Variants in COL19A1 observed in about 807,000 individuals in gnomAD.
COL19A1 encodes the protein collagen type XIX alpha 1 chain.
In COL19A1, 159 loss-of-function variants were observed where a neutral mutation model predicts 190.2. The observed-to-expected ratio is 0.84, with a 90% CI of 0.73 to 0.95. The LOEUF (loss-of-function observed/expected upper bound fraction) is 0.95. Ranked by LOEUF, COL19A1 falls within the 40% of genes least tolerant of loss-of-function variation. COL19A1 has a pLI of 0.00. For missense variants in COL19A1, 1,418 were observed against 1,431.9 expected, an observed-to-expected ratio of 0.99 and a Z score of 0.16; for synonymous variants, 509 against 458.9, an observed-to-expected ratio of 1.11 and a Z score of -1.39.
At chr6:70,058,647 A>AT (rs905640969) in intron 14 of COL19A1, among the ~76,000 whole-genome samples, 2 of 151,522 alleles carry the variant, frequency 1.3e-5, no homozygotes, top group Non-Finnish European at 2.9e-5. Context: ...CCTTAGGAAA[A>AT]TTTTTTTCTT....
intron 9 of COL19A1, among the ~76,000 whole-genome samples, chr6:69,938,631 A>G (rs1773265988): frequency 6.6e-6 from 1 of 152,156 alleles, no homozygotes; most frequent in Non-Finnish European, 1.5e-5. Flanking sequence ...GAGATCGTGG[A>G]AAATTACAAG....
At chr6:70,062,816 G>A (rs1223365623) in intron 14 of COL19A1, among the ~76,000 whole-genome samples, 1 of 151,924 alleles carries the variant, frequency 6.6e-6, no homozygotes, top group Non-Finnish European at 1.5e-5. Context: ...ACAAAAAAAG[G>A]CAGGGGTTGC....
chr6:69,879,462 G>A (rs1768355715), intron 1 of COL19A1, 74 bp from the exon 2 acceptor site: 1 of 801,266 alleles, frequency 1.2e-6, no homozygotes, highest in Admixed American at 2.3e-5. Flanking sequence ...TTTTGCTTTG[G>A]TAACATTTTC....
At chr6:69,995,171 C>G (rs1483182248) in intron 11 of COL19A1, among the ~76,000 whole-genome samples, 1 of 152,138 alleles carries the variant, frequency 6.6e-6, no homozygotes, top group Non-Finnish European at 1.5e-5. Context: ...TGCCACCTTG[C>G]CAACATGTTC....
In COL19A1 at chr6:70,142,096, G is replaced by A. The variant is rs1288618419; in HGVS notation, c.1572+20G>A. ...CTAAAGGTATATAAGAAATAACTAA[G>A]ATTTCTTGGGAAATAATTTGGGAAT... On this transcript the variant is annotated intron_variant, in intron 22 of 50. Coordinates refer to ENST00000620364, the MANE Select transcript of COL19A1 (RefSeq NM_001858.6). The A allele has an allele frequency of 1.3e-6, 2 of 1,599,434 alleles. No homozygotes were observed. The highest frequency in any genetic ancestry group is 1.7e-6 in the Non-Finnish European group (2 of 1,170,124).
intron 9 of COL19A1, among the ~76,000 whole-genome samples, chr6:69,952,367 A>G (rs1353822028): frequency 6.6e-6 from 1 of 151,884 alleles, no homozygotes; most frequent in Non-Finnish European, 1.5e-5. Flanking sequence ...CACTCTCCAG[A>G]TTAACCTTAA....
intron 18 of COL19A1, among the ~76,000 whole-genome samples, chr6:70,136,019 A>G (rs949674712): frequency 6.6e-6 from 1 of 152,206 alleles, no homozygotes; most frequent in Non-Finnish European, 1.5e-5. Flanking sequence ...CTTAAAGGTA[A>G]CTTGACATTT....
intron 4 of COL19A1, among the ~76,000 whole-genome samples, chr6:69,912,819 G>A (rs1478111971): frequency 6.6e-6 from 1 of 152,186 alleles, no homozygotes; most frequent in African/African-American, 2.4e-5. Flanking sequence ...CAGGCACGGT[G>A]GCTCACACCA....
At chr6:70,064,638 G>T (rs1209582129) in intron 14 of COL19A1, among the ~76,000 whole-genome samples, 2 of 152,092 alleles carry the variant, frequency 1.3e-5, no homozygotes, top group South Asian at 4.2e-4. Flanking sequence ...AGGAAATAAA[G>T]GGTATTCAAT....
At position 70,161,954 on chromosome 6, in the gene COL19A1, G is replaced by C. The variant is rs775521723; in HGVS notation, c.2346+1G>C. 3 of 1,596,652 alleles carry C rather than the reference G, an allele frequency of 1.9e-6. No individual in the cohort carries two copies. The highest frequency in any genetic ancestry group is 2.6e-6 in the Non-Finnish European group (3 of 1,172,700). On this transcript the variant is annotated splice_donor_variant, in intron 35 of 50. Coordinates refer to ENST00000620364, the MANE Select transcript of COL19A1 (RefSeq NM_001858.6). LOFTEE classifies it high-confidence loss of function. Reference sequence around the variant, plus strand: ...TGCTCCAGGCCCGACTGGACCCCCTGTAAGTATTTGTTAAAACGATTGCAC... The same window carrying C: ...TGCTCCAGGCCCGACTGGACCCCCTCTAAGTATTTGTTAAAACGATTGCAC...
At chr6:70,057,289 C>T (rs1411908850) in intron 14 of COL19A1, among the ~76,000 whole-genome samples, 2 of 152,080 alleles carry the variant, frequency 1.3e-5, no homozygotes, top group Non-Finnish European at 2.9e-5. Flanking sequence ...ATGGATTTGA[C>T]AGACCATGAC....
At chr6:70,177,488 A>T (rs1279850060) in intron 42 of COL19A1, among the ~76,000 whole-genome samples, 2 of 152,148 alleles carry the variant, frequency 1.3e-5, no homozygotes, top group Non-Finnish European at 2.9e-5. Flanking sequence ...ACAACACAAA[A>T]TAGAGCCCCA....
intron 4 of COL19A1, among the ~76,000 whole-genome samples, chr6:69,923,628 A>T (rs1772149201): frequency 6.6e-6 from 1 of 152,172 alleles, no homozygotes; most frequent in South Asian, 2.1e-4. Flanking sequence ...TAAAGAAAAA[A>T]CTGGGGAAGA....
intron 4 of COL19A1, among the ~76,000 whole-genome samples, chr6:69,921,491 T>TATATTCATATATATCATATATATTC (rs1554166295): frequency 1.2e-4 from 14 of 113,560 alleles, no homozygotes; most frequent in African/African-American, 5.3e-4. Context: ...TATATATTCA[T>TATATTCATATATATCATATATATTC]ATATATTCAT....
At chr6:69,948,358 A>G (rs138429698) in intron 9 of COL19A1, among the ~76,000 whole-genome samples, 79 of 152,008 alleles carry the variant, frequency 5.2e-4, no homozygotes, top group Admixed American at 9.2e-4. Context: ...AACAGAATTT[A>G]TCAAGGTTGG....
intron 14 of COL19A1, among the ~76,000 whole-genome samples, chr6:70,048,103 C>T (rs1250218421): frequency 1.3e-5 from 2 of 152,054 alleles, no homozygotes; most frequent in African/African-American, 4.8e-5. Context: ...TACTTAAATA[C>T]CAGTTCCTTG....
chr6:70,009,569 G>T lies in COL19A1; in HGVS notation c.1027-14058G>T, dbSNP rs74725443. ...AAGGAAATCTCAATGAAAATCTGAA[G>T]CATTTTTGCAAATGCAACAAATTTT... On this transcript the variant is annotated intron_variant, in intron 11 of 50. Coordinates refer to ENST00000620364, the MANE Select transcript of COL19A1 (RefSeq NM_001858.6). 3.9e-3 allele frequency among the ~76,000 whole-genome samples: 591 copies of T among 152,086 alleles called. 12 individuals carry two copies. The East Asian group carries it at 0.05, about 13-fold the overall frequency.
chr6:70,160,104 A>AT (rs1787701291), intron 34 of COL19A1, among the ~76,000 whole-genome samples: 1 of 152,104 alleles, frequency 6.6e-6, no homozygotes, highest in East Asian at 1.9e-4. Context: ...CTATTAGTCC[A>AT]TTTTCACACT....
chr6:70,152,986 G>A (rs575176106), intron 31 of COL19A1, among the ~76,000 whole-genome samples: 1 of 152,000 alleles, frequency 6.6e-6, no homozygotes, highest in African/African-American at 2.4e-5. Context: ...TGACAATCTC[G>A]CCCGGGAATC....
Sources: allele counts gnomAD v4.1 joint callset (sites outside exome capture counted in the v4.1 genomes callset), GRCh38; gene constraint gnomAD v4.1.1; transcripts MANE v1.5; gene names NCBI Gene and HGNC (gene_info 2026-07-23, HGNC 2026-07-21).